Variants in FBXL4 observed in about 807,000 individuals in gnomAD.
The protein encoded by FBXL4 is F-box/LRR-repeat protein 4.
Under a neutral mutation model 58.9 loss-of-function variants are expected in FBXL4, and 40 were observed. The observed-to-expected ratio is 0.68, with a 90% CI of 0.53 to 0.88. The LOEUF is 0.88. Ranked by LOEUF, FBXL4 falls within the 40% of genes least tolerant of loss-of-function variation. The pLI is 0.00. For missense variants in FBXL4, 676 were observed against 734.4 expected, an observed-to-expected ratio of 0.92 and a Z score of 0.92; for synonymous variants, 263 against 265.5, an observed-to-expected ratio of 0.99 and a Z score of 0.09.
intron 2 of FBXL4, among the ~76,000 whole-genome samples, chr6:98,931,141 T>C (rs1399336536): frequency 6.6e-6 from 1 of 152,224 alleles, no homozygotes; most frequent in African/African-American, 2.4e-5. Flanking sequence ...TTGCTTCAAC[T>C]AAGCTCCTCC....
At chr6:98,947,377 G>A (rs998714198) in intron 1 of FBXL4, among the ~76,000 whole-genome samples, 44 of 152,324 alleles carry the variant, frequency 2.9e-4, no homozygotes, top group African/African-American at 9.1e-4. Context: ...AAAAACCATC[G>A]GATGTCAGAG....
At chr6:98,937,945 T>C (rs1773284161) in intron 1 of FBXL4, among the ~76,000 whole-genome samples, 1 of 152,126 alleles carries the variant, frequency 6.6e-6, no homozygotes, top group Admixed American at 6.6e-5. Flanking sequence ...CTCCACCAAG[T>C]TGTTTTCTGT....
chr6:98,922,652 A>G (rs1378731847), intron 4 of FBXL4, among the ~76,000 whole-genome samples: 1 of 152,230 alleles, frequency 6.6e-6, no homozygotes, highest in Non-Finnish European at 1.5e-5. Context: ...GAGTTGCTTG[A>G]GTAATCATTT....
chr6:98,929,964 C>T (rs1021561787), intron 2 of FBXL4, among the ~76,000 whole-genome samples: 2 of 152,152 alleles, frequency 1.3e-5, no homozygotes, highest in Non-Finnish European at 2.9e-5. Context: ...TTTAGAATCC[C>T]ACCCTATCCT....
intron 7 of FBXL4, chr6:98,897,469 G>T: frequency 2.0e-6 from 1 of 496,732 alleles, no homozygotes; most frequent in Non-Finnish European, 2.6e-6. Flanking sequence ...GGCAGGGCTA[G>T]AACTAGAATC....
rs1013658061 is a variant in FBXL4, at chr6:98,914,206, C to G, written c.858+3168G>C. ...ACCAACCAAAAAGAGTCCAGGACCA[C>G]ATGGATTCACAGCCGAATTTTATCA... On this transcript the variant is annotated intron_variant, in intron 5 of 9. Transcript: ENST00000369244. Among the ~76,000 whole-genome samples, 7 of 152,122 alleles carry G rather than the reference C, an allele frequency of 4.6e-5. No homozygotes were observed. In the East Asian group the frequency reaches 5.8e-4, roughly 13 times the overall value.
chr6:98,916,618 T>C (rs1250954439), intron 5 of FBXL4, among the ~76,000 whole-genome samples: 2 of 151,348 alleles, frequency 1.3e-5, no homozygotes, highest in African/African-American at 4.9e-5. Context: ...AATTGAACAA[T>C]GAGAACACAT....
At position 98,874,400 on chromosome 6, in the gene FBXL4, C is replaced by T. The variant is rs1208827073; in HGVS notation, c.1744G>A (p.Glu582Lys). 1.2e-6 allele frequency: 2 copies of T among 1,611,300 alleles called. No individual in the cohort carries two copies. Among genetic ancestry groups the T allele is most frequent in the South Asian group, 2.2e-5 (2 of 90,670 alleles). ...VSPASLRKLL[E>K]SCKDLSLLDV... The stretch of plus-strand genomic sequence containing the variant: ...AGTAAAGAAAGATCTTTACAAGATT[C>T]CAGGAGTTTTCTTAAGGATGCCGGA... The change falls in exon 10 of 10, where the codon GAA (glutamate) becomes AAA (lysine). Residue 582 changes from glutamate to lysine, a missense_variant. Glu to Lys is a moderately conservative substitution (Grantham distance 56). Coordinates refer to ENST00000369244, the MANE Select transcript of FBXL4 (RefSeq NM_001278716.2).
At chr6:98,879,942 CAAAAAAAAAAAAA>C (rs57952065) in intron 8 of FBXL4, among the ~76,000 whole-genome samples, 2 of 62,566 alleles carry the variant, frequency 3.2e-5, no homozygotes, top group East Asian at 3.8e-4. Flanking sequence ...GACTCCATCT[CAAAAAAAAAAAAA>C]AAAAAAAAAA....
chr6:98,889,045 A>G (rs2128384074), intron 7 of FBXL4, among the ~76,000 whole-genome samples: 1 of 152,362 alleles, frequency 6.6e-6, no homozygotes, highest in South Asian at 2.1e-4. Context: ...AGTTGGTCAC[A>G]TGACACTCAG....
intron 7 of FBXL4, among the ~76,000 whole-genome samples, chr6:98,889,005 T>C (rs1771131277): frequency 6.6e-6 from 1 of 152,190 alleles, no homozygotes; most frequent in South Asian, 2.1e-4. Flanking sequence ...GGGATCAAAC[T>C]GGAAGAGTAA....
chr6:98,913,616 A>C (rs892004461), intron 5 of FBXL4, among the ~76,000 whole-genome samples: 1 of 152,226 alleles, frequency 6.6e-6, no homozygotes, highest in Non-Finnish European at 1.5e-5. Context: ...TTTGAAACCA[A>C]TAAGAACAAA....
intron 1 of FBXL4, among the ~76,000 whole-genome samples, chr6:98,940,387 C>A (rs763470980): frequency 1.6e-4 from 24 of 152,264 alleles, no homozygotes; most frequent in Admixed American, 3.3e-4. Flanking sequence ...TAGTATCAAG[C>A]CATTTCCAAA....
intron 1 of FBXL4, among the ~76,000 whole-genome samples, chr6:98,947,471 G>A (rs1331490907): frequency 6.6e-6 from 1 of 152,260 alleles, no homozygotes; most frequent in Non-Finnish European, 1.5e-5. Context: ...CACTGAGCGC[G>A]GGTGTGGGGC....
At position 98,873,427 on chromosome 6, in the gene FBXL4, T is replaced by G. The variant is rs994135788; in HGVS notation, c.*851A>C. On this transcript the variant is annotated 3_prime_UTR_variant, in exon 10 of 10. Coordinates refer to ENST00000369244, the MANE Select transcript of FBXL4 (RefSeq NM_001278716.2). ...AATTCAGAAACCTCAAAACTTTACCTTTCACAAAATGTTAAGGCATCTGCT... is the reference window on the plus strand; with the variant it reads ...AATTCAGAAACCTCAAAACTTTACCGTTCACAAAATGTTAAGGCATCTGCT... 6.6e-6 allele frequency: 1 copy of G among 151,224 alleles called. No homozygotes were observed. Among genetic ancestry groups the G allele is most frequent in the Non-Finnish European group, 1.5e-5 (1 of 67,860 alleles). The allele number at this position is 151,224 out of a possible 1,614,324, so 9.4% of individuals were successfully genotyped here. A position where few individuals can be genotyped will look rare whatever the true frequency, so the allele number is the denominator to read the frequency against.
chr6:98,926,522 G>C lies in FBXL4; in HGVS notation c.467C>G (p.Ala156Gly). The stretch of plus-strand genomic sequence containing the variant: ...TGGGGAATAAGGATTTGCAGAACAA[G>C]CGAGAATTCTAATGACTGCTCCGGG... ...YHPGAVIRIL[A>G]CSANPYSPNP... The change falls in exon 4 of 10, where the codon GCT becomes GGT. Residue 156 changes from alanine (A) to glycine (G), a missense_variant. Transcript: ENST00000369244. 6.2e-7 allele frequency: 1 copy of C among 1,613,548 alleles called. No homozygotes were observed. The highest frequency in any genetic ancestry group is 8.5e-7 in the Non-Finnish European group (1 of 1,179,664).
intron 5 of FBXL4, among the ~76,000 whole-genome samples, chr6:98,914,477 A>G (rs1229935298): frequency 6.6e-6 from 1 of 152,202 alleles, no homozygotes. Flanking sequence ...ACCATGATCA[A>G]GTGGGCTTCA....
At chr6:98,886,725 AG>A (rs1237940599) in intron 7 of FBXL4, among the ~76,000 whole-genome samples, 1 of 152,182 alleles carries the variant, frequency 6.6e-6, no homozygotes. Flanking sequence ...GACCAGTAGA[AG>A]GCTTAGCTCA....
intron 5 of FBXL4, among the ~76,000 whole-genome samples, chr6:98,909,784 A>G (rs1435117584): frequency 6.6e-6 from 1 of 151,778 alleles, no homozygotes; most frequent in Admixed American, 6.6e-5. Flanking sequence ...CCTCCCAGTA[A>G]AGGCCAGTTT....
Sources: gnomAD v4.1 joint callset for allele counts (sites outside exome capture counted in the v4.1 genomes callset) on GRCh38, gnomAD v4.1.1 for gene constraint, MANE v1.5 for transcripts, NCBI Gene and HGNC (gene_info 2026-07-23, HGNC 2026-07-21) for gene names.